DNAH11: variants seen among roughly 807,000 people sequenced by gnomAD.
The protein encoded by DNAH11 is axonemal beta dynein heavy chain 11.
In DNAH11, 442 loss-of-function variants were observed where a neutral mutation model predicts 526.0. The ratio of observed to expected loss-of-function variants is 0.84; its 90% confidence interval spans 0.78 to 0.91. The LOEUF (loss-of-function observed/expected upper bound fraction) is 0.91, where lower values mean the gene tolerates loss of function less well. DNAH11 is among the 40% of genes least tolerant of loss of function. The pLI is 0.00. For missense variants in DNAH11, 6,989 were observed against 5,448.7 expected (o/e 1.28, Z -8.90); for synonymous variants, 2,461 against 1,935.9 (o/e 1.27, Z -7.12).
At chr7:21,614,541 A>C (rs911023288) in intron 20 of DNAH11, among the ~76,000 whole-genome samples, 4 of 152,206 alleles carry the variant, frequency 2.6e-5, no homozygotes, top group Non-Finnish European at 5.9e-5. Context: ...GTTTGGTGTA[A>C]AATGTAAACT....
At chr7:21,801,411 G>A (rs1562554630) in intron 62 of DNAH11, 136 bp downstream of exon 62, 1 of 1,228,840 alleles carries the variant, frequency 8.1e-7, no homozygotes, top group African/African-American at 1.5e-5. Flanking sequence ...CACTCATCCT[G>A]TGGCTCTAAC....
intron 61 of DNAH11, among the ~76,000 whole-genome samples, 156 bp from the exon 62 acceptor site, chr7:21,800,981 T>C (rs1431537525): frequency 6.6e-6 from 1 of 152,196 alleles, no homozygotes; most frequent in Non-Finnish European, 1.5e-5. Context: ...ATATCCTTCT[T>C]TTCCTTCTTC....
In DNAH11 at chr7:21,601,124, A is replaced by G. The variant is rs752462870; in HGVS notation, c.3370A>G (p.Ile1124Val). 3.2e-5 allele frequency: 51 copies of G among 1,609,744 alleles called. No individual in the cohort carries two copies. Among genetic ancestry groups the G allele is most frequent in the Non-Finnish European group, 4.2e-5 (50 of 1,179,172 alleles). Reference sequence around the variant, plus strand: ...TTTCAAAGTGAGCTTGTTAACCATAATTAAGAAATGGAGCTGGATGTTTCA... The same window carrying G: ...TTTCAAAGTGAGCTTGTTAACCATAGTTAAGAAATGGAGCTGGATGTTTCA... ...KPFKVSLLTI[I>V]KKWSWMFQEH... The change falls in exon 17 of 82, where the codon ATT (isoleucine) becomes GTT (valine). Residue 1124 changes from isoleucine to valine, a missense_variant. Coordinates refer to ENST00000409508, the MANE Select transcript of DNAH11 (RefSeq NM_001277115.2).
intron 35 of DNAH11, among the ~76,000 whole-genome samples, chr7:21,696,720 C>A (rs1783867325): frequency 6.6e-6 from 1 of 152,118 alleles, no homozygotes. Context: ...TCTGATTCCA[C>A]CACTCACCAA....
intron 42 of DNAH11, among the ~76,000 whole-genome samples, chr7:21,713,438 C>A (rs1784535756): frequency 6.6e-6 from 1 of 152,138 alleles, no homozygotes; most frequent in Admixed American, 6.5e-5. Flanking sequence ...TGGCTCTGTC[C>A]CTCTGTGACT....
At chr7:21,860,261 C>G (rs182713626) in intron 68 of DNAH11, among the ~76,000 whole-genome samples, 32 of 149,490 alleles carry the variant, frequency 2.1e-4, no homozygotes, top group African/African-American at 7.3e-4. Flanking sequence ...GAGATATCAC[C>G]TCACACCCAT....
At chr7:21,805,976 C>A (rs1018004309) in intron 62 of DNAH11, among the ~76,000 whole-genome samples, 1 of 152,136 alleles carries the variant, frequency 6.6e-6, no homozygotes, top group Non-Finnish European at 1.5e-5. Context: ...TATATTTAAT[C>A]ATTAACTAAC....
In DNAH11 at chr7:21,600,945, T is replaced by G. The variant is rs1397389663; in HGVS notation, c.3255+15T>G. ...TCAAAGAACAGGCAAGGAAAACCCT[T>G]AGCATTTAATGTAGTGAAATGGCTT... On this transcript the variant is annotated intron_variant, in intron 16 of 81. Transcript: ENST00000409508. 1 of 1,612,850 alleles carries G rather than the reference T, an allele frequency of 6.2e-7. No homozygotes were observed. The highest frequency in any genetic ancestry group is 1.7e-5 in the Admixed American group (1 of 59,706).
At chr7:21,868,104 CTTTTT>C in intron 72 of DNAH11, 97 bp downstream of exon 72, 4 of 697,256 alleles carry the variant, frequency 5.7e-6, no homozygotes, top group Non-Finnish European at 7.8e-6. Flanking sequence ...ATCTTAGTTT[CTTTTT>C]TTTTTTTTTT....
chr7:21,571,048 T>G (rs2128436752), intron 7 of DNAH11, among the ~76,000 whole-genome samples: 1 of 152,322 alleles, frequency 6.6e-6, no homozygotes, highest in African/African-American at 2.4e-5. Context: ...CCTGAATGCC[T>G]CTTCTGTCTC....
intron 62 of DNAH11, among the ~76,000 whole-genome samples, chr7:21,802,440 C>A (rs1296246743): frequency 6.6e-6 from 1 of 152,072 alleles, no homozygotes; most frequent in Non-Finnish European, 1.5e-5. Flanking sequence ...CATAAAGTTA[C>A]CACATGATAC....
chr7:21,667,443 G>T (rs1388498894), intron 30 of DNAH11, among the ~76,000 whole-genome samples: 1 of 152,098 alleles, frequency 6.6e-6, no homozygotes, highest in African/African-American at 2.4e-5. Flanking sequence ...TGAATAGTTG[G>T]GTTGTAATAA....
intron 71 of DNAH11, among the ~76,000 whole-genome samples, chr7:21,867,512 C>G (rs760208989): frequency 2.0e-5 from 3 of 152,148 alleles, no homozygotes; most frequent in Admixed American, 6.5e-5. Flanking sequence ...GAAAATTGCA[C>G]TGTGGCAAAT....
intron 65 of DNAH11, among the ~76,000 whole-genome samples, chr7:21,840,234 A>G (rs1348311884): frequency 2.0e-5 from 3 of 152,242 alleles, no homozygotes; most frequent in Non-Finnish European, 2.9e-5. Context: ...ATGCGATAGA[A>G]CATCTTTTCT....
intron 45 of DNAH11, among the ~76,000 whole-genome samples, chr7:21,734,358 G>C (rs1785513947): frequency 6.6e-6 from 1 of 152,192 alleles, no homozygotes; most frequent in Non-Finnish European, 1.5e-5. Flanking sequence ...GGAAAGGCCA[G>C]CAGACAAATT....
chr7:21,892,472 C>T lies in DNAH11; in HGVS notation c.12555C>T (p.Tyr4185=). 5 of 1,613,814 alleles carry T rather than the reference C, an allele frequency of 3.1e-6. No individual in the cohort carries two copies. The highest frequency in any genetic ancestry group is 4.2e-6 in the Non-Finnish European group (5 of 1,179,786). The change falls in exon 77 of 82, where the codon TAC becomes TAT. Residue 4185 remains tyrosine (Y), a synonymous_variant. Coordinates refer to ENST00000409508, the MANE Select transcript of DNAH11 (RefSeq NM_001277115.2). Reference sequence around the variant, plus strand: ...CACCAGGTTTTGCTGCCCCACCCTACCTAGATTATGCAGGCTACCACCAGT... The same window carrying T: ...CACCAGGTTTTGCTGCCCCACCCTATCTAGATTATGCAGGCTACCACCAGT... ...MLAPGFAAPP[Y]LDYAGYHQYI...
At chr7:21,581,133 A>G (rs1412467625) in intron 8 of DNAH11, among the ~76,000 whole-genome samples, 3 of 152,198 alleles carry the variant, frequency 2.0e-5, no homozygotes, top group African/African-American at 7.2e-5. Flanking sequence ...AGAGGTGGCA[A>G]AGGCCTTCAT....
chr7:21,640,121 A>G (rs192191493), intron 28 of DNAH11, among the ~76,000 whole-genome samples: 139 of 152,378 alleles, frequency 9.1e-4, no homozygotes, highest in Middle Eastern at 3.4e-3. Flanking sequence ...CAACAGGTTC[A>G]GGGTCACCAC....
At chr7:21,878,735 A>C (rs558457347) in intron 74 of DNAH11, among the ~76,000 whole-genome samples, 1 of 152,288 alleles carries the variant, frequency 6.6e-6, no homozygotes, top group Admixed American at 6.5e-5. Context: ...TGTCTAAAGA[A>C]ACTGAAAAGC....
Sources: allele counts gnomAD v4.1 joint callset (sites outside exome capture counted in the v4.1 genomes callset), GRCh38; gene constraint gnomAD v4.1.1; transcripts MANE v1.5; gene names NCBI Gene and HGNC (gene_info 2026-07-23, HGNC 2026-07-21).